The following FAM83B variants were observed in gnomAD, a reference collection of about 807,000 sequenced individuals.
FAM83B encodes the protein scaffolding CK1 anchoring protein B.
Under a neutral mutation model 38.8 loss-of-function variants are expected in FAM83B, and 26 were observed. The observed-to-expected ratio is 0.67, with a 90% CI of 0.49 to 0.93. The LOEUF (loss-of-function observed/expected upper bound fraction) is 0.93, where lower values mean the gene tolerates loss of function less well. Ranked by LOEUF, FAM83B falls within the 40% of genes least tolerant of loss-of-function variation. FAM83B has a pLI of 0.00. For missense variants in FAM83B, 1,237 were observed against 1,197.3 expected, an observed-to-expected ratio of 1.03 and a Z score of -0.49; for synonymous variants, 419 against 423.1, an observed-to-expected ratio of 0.99 and a Z score of 0.12.
chr6:54,903,401 T>C (rs943866677), intron 2 of FAM83B, among the ~76,000 whole-genome samples: 9 of 152,152 alleles, frequency 5.9e-5, no homozygotes, highest in Non-Finnish European at 1.2e-4. Context: ...TTTAGGAAAA[T>C]TGTCTGCATT....
chr6:54,887,281 A>C (rs1253442138), intron 2 of FAM83B, among the ~76,000 whole-genome samples: 1 of 152,218 alleles, frequency 6.6e-6, no homozygotes, highest in Admixed American at 6.6e-5. Context: ...ACAGATTAAA[A>C]ATACAGTATT....
intron 4 of FAM83B, among the ~76,000 whole-genome samples, chr6:54,937,142 T>C (rs1463627450): frequency 6.6e-6 from 1 of 151,818 alleles, no homozygotes; most frequent in African/African-American, 2.4e-5. Flanking sequence ...AGAGTGTCTC[T>C]TTTTTCTTTT....
intron 3 of FAM83B, among the ~76,000 whole-genome samples, chr6:54,927,129 G>T (rs1365645918): frequency 6.6e-6 from 1 of 152,052 alleles, no homozygotes; most frequent in Non-Finnish European, 1.5e-5. Flanking sequence ...TGCTTCTATG[G>T]TTCAGCATGT....
chr6:54,930,577 ATGGAACTCTAAGT>A (rs577622777), intron 4 of FAM83B, among the ~76,000 whole-genome samples: 253 of 152,184 alleles, frequency 1.7e-3, no homozygotes, highest in African/African-American at 5.7e-3. Flanking sequence ...TTAATGTGGG[ATGGAACTCTAAGT>A]TGAACCATTT....
At position 54,942,063 on chromosome 6, in the gene FAM83B, A is replaced by G. The variant is rs539608656; in HGVS notation, c.*56A>G. 4.0e-6 allele frequency: 6 copies of G among 1,517,292 alleles called. No homozygotes were observed. Among genetic ancestry groups the G allele is most frequent in the Non-Finnish European group, 5.3e-6 (6 of 1,128,102 alleles). The allele number at this position is 1,517,292 out of a possible 1,614,324, so 94.0% of individuals were successfully genotyped here. A position where few individuals can be genotyped will look rare whatever the true frequency, so the allele number is the denominator to read the frequency against. On this transcript the variant is annotated 3_prime_UTR_variant, in exon 5 of 5. Coordinates refer to ENST00000306858, the MANE Select transcript of FAM83B (RefSeq NM_001010872.3). ...AATATTTGTCCAAAGAAAATTGTGG[A>G]CAGTCTTTGTAACATGCCAATAGAT...
chr6:54,849,421 T>C (rs773796138), intron 1 of FAM83B, among the ~76,000 whole-genome samples: 35 of 149,290 alleles, frequency 2.3e-4, no homozygotes, highest in Non-Finnish European at 4.4e-4. Context: ...GGAAAGGATA[T>C]ACGTGGAGGT....
At chr6:54,846,507 G>C (rs1316348607), upstream of FAM83B, among the ~76,000 whole-genome samples, 1 of 152,240 alleles carries the variant, frequency 6.6e-6, no homozygotes, top group African/African-American at 2.4e-5. Context: ...AGGAAAGAAA[G>C]GCTTTTTCAT....
At chr6:54,917,828 TTC>T (rs1460663825) in intron 2 of FAM83B, among the ~76,000 whole-genome samples, 2 of 152,168 alleles carry the variant, frequency 1.3e-5, no homozygotes, top group Non-Finnish European at 2.9e-5. Flanking sequence ...TAAGAAATTC[TTC>T]TGTTTTAGCA....
At chr6:54,847,371 T>C (rs771695076) in intron 1 of FAM83B, among the ~76,000 whole-genome samples, 1 of 152,080 alleles carries the variant, frequency 6.6e-6, no homozygotes, top group Non-Finnish European at 1.5e-5. Flanking sequence ...AAGACAGTTT[T>C]TTCACACAAC....
At chr6:54,911,227 C>T (rs1772901599) in intron 2 of FAM83B, among the ~76,000 whole-genome samples, 2 of 149,430 alleles carry the variant, frequency 1.3e-5, no homozygotes, top group Admixed American at 1.3e-4. Context: ...TATTTGTTTG[C>T]TTCTTTGTTT....
Position 54,870,658 on chromosome 6 carries a change from A to G in FAM83B, c.412A>G (p.Thr138Ala). 1 of 1,605,634 alleles carries G rather than the reference A, an allele frequency of 6.2e-7. No individual in the cohort carries two copies. Among genetic ancestry groups the G allele is most frequent in the Non-Finnish European group, 8.5e-7 (1 of 1,176,656 alleles). ...AGCACATCTACTTACGATAAAAGAAACTATTCGGAAGATGATAAAAGAAGC... is the reference window on the plus strand; with the variant it reads ...AGCACATCTACTTACGATAAAAGAAGCTATTCGGAAGATGATAAAAGAAGC... ...PRAHLLTIKETIRKMIKEARK... is the reference protein window; with the variant it reads ...PRAHLLTIKEAIRKMIKEARK... The change falls in exon 2 of 5, where the codon ACT (threonine) becomes GCT (alanine). Residue 138 changes from threonine (T) to alanine (A), a missense_variant. Physicochemically the swap from Thr to Ala is moderately conservative, Grantham distance 58. Coordinates refer to ENST00000306858, the MANE Select transcript of FAM83B (RefSeq NM_001010872.3).
At chr6:54,885,519 G>A (rs533333039) in intron 2 of FAM83B, among the ~76,000 whole-genome samples, 62 of 151,954 alleles carry the variant, frequency 4.1e-4, no homozygotes, top group African/African-American at 1.4e-3. Context: ...TTTTTATATA[G>A]ATTATTTTGG....
At position 54,939,742 on chromosome 6, in the gene FAM83B, G is replaced by A; in HGVS notation, c.771G>A (p.Met257Ile). The change falls in exon 5 of 5, where the codon ATG (methionine) becomes ATA (isoleucine). Residue 257 changes from methionine to isoleucine, a missense_variant. Physicochemically the swap from Met to Ile is conservative, Grantham distance 10 (BLOSUM62 1). Coordinates refer to ENST00000306858, the MANE Select transcript of FAM83B (RefSeq NM_001010872.3). ...CATTTGAGAAAGCTCACCTCAGCATGGTTCAGATAATTACAGGACAACTTG... is the reference window on the plus strand; with the variant it reads ...CATTTGAGAAAGCTCACCTCAGCATAGTTCAGATAATTACAGGACAACTTG... The part of the protein sequence containing the change: ...MWSFEKAHLS[M>I]VQIITGQLVE... 6.2e-7 allele frequency: 1 copy of A among 1,611,836 alleles called. No individual in the cohort carries two copies. Among genetic ancestry groups the A allele is most frequent in the Admixed American group, 1.7e-5 (1 of 59,592 alleles).
chr6:54,879,006 C>G (rs762454594), intron 2 of FAM83B, among the ~76,000 whole-genome samples: 2 of 152,062 alleles, frequency 1.3e-5, no homozygotes, highest in Non-Finnish European at 2.9e-5. Flanking sequence ...CATTTTTTGC[C>G]TGAGCAGTTG....
intron 3 of FAM83B, 33 bp from the exon 4 acceptor site, chr6:54,927,475 T>C: frequency 6.6e-7 from 1 of 1,506,842 alleles, no homozygotes; most frequent in Non-Finnish European, 8.9e-7. Flanking sequence ...TTCCTAGCCA[T>C]AATGTCTGCT....
In FAM83B at chr6:54,870,529, G is replaced by C. The variant is rs1771823232; in HGVS notation, c.283G>C (p.Val95Leu). ...DTLSSGTYWP[V>L]ESDVEAPNLD... ...CTTATCTTCAGGGACCTACTGGCCTGTTGAGTCTGATGTGGAAGCTCCAAA... is the reference window on the plus strand; with the variant it reads ...CTTATCTTCAGGGACCTACTGGCCTCTTGAGTCTGATGTGGAAGCTCCAAA... The change falls in exon 2 of 5, where the codon GTT becomes CTT. Residue 95 changes from valine to leucine, a missense_variant. Coordinates refer to ENST00000306858, the MANE Select transcript of FAM83B (RefSeq NM_001010872.3). The C allele has an allele frequency of 6.2e-7, 1 of 1,613,952 alleles. No individual in the cohort carries two copies. The highest frequency in any genetic ancestry group is 1.3e-5 in the African/African-American group (1 of 74,906).
At chr6:54,865,509 C>A (rs943584748) in intron 1 of FAM83B, among the ~76,000 whole-genome samples, 5 of 152,110 alleles carry the variant, frequency 3.3e-5, no homozygotes, top group Non-Finnish European at 2.9e-5. Context: ...TTCGACATAT[C>A]CTGTTGGAGG....
In FAM83B at chr6:54,941,606, GA is replaced by G; in HGVS notation, c.2638del (p.Arg880GlyfsTer79). ...SPGPVESKFL[E>X]RAGDASAPRF... ...AGGTCCAGTTGAAAGCAAGTTCTTG[GA>G]AAGGGCAGGAGATGCCTCTGCCCCA... On this transcript the variant is annotated frameshift_variant, in exon 5 of 5. Transcript: ENST00000306858. LOFTEE classifies it high-confidence loss of function. 6.2e-7 allele frequency: 1 copy of G among 1,614,060 alleles called. No individual in the cohort carries two copies. The highest frequency in any genetic ancestry group is 8.5e-7 in the Non-Finnish European group (1 of 1,180,006).
chr6:54,877,873 T>C (rs1772037638), intron 2 of FAM83B, among the ~76,000 whole-genome samples: 1 of 152,182 alleles, frequency 6.6e-6, no homozygotes, highest in South Asian at 2.1e-4. Context: ...TTTGAAGACC[T>C]GGTTGAGAGG....
Sources: allele counts gnomAD v4.1 joint callset (sites outside exome capture counted in the v4.1 genomes callset), GRCh38; gene constraint gnomAD v4.1.1; transcripts MANE v1.5; gene names NCBI Gene and HGNC (gene_info 2026-07-23, HGNC 2026-07-21).